The following ZMYM2 variants were observed in gnomAD, a reference collection of about 807,000 sequenced individuals.
ZMYM2 encodes zinc finger MYM-type containing 2.
ZMYM2 carries 56 observed loss-of-function variants against 162.8 expected under a neutral mutation model. The observed-to-expected ratio is 0.34, with a 90% CI of 0.28 to 0.43. The LOEUF is 0.43. Ranked by LOEUF, ZMYM2 falls within the 20% of genes least tolerant of loss-of-function variation. ZMYM2 has a pLI of 1.00. For missense variants in ZMYM2, 1,275 were observed against 1,621.8 expected (o/e 0.79, Z 3.67); for synonymous variants, 510 against 541.6 (o/e 0.94, Z 0.81).
At chr13:20,030,468 G>T (rs556372377) in intron 9 of ZMYM2, among the ~76,000 whole-genome samples, 1 of 148,452 alleles carries the variant, frequency 6.7e-6, no homozygotes, top group Non-Finnish European at 1.5e-5. Context: ...GCGTGATCTC[G>T]GCTCACTGCA....
chr13:20,078,053 A>G (rs528827079), intron 21 of ZMYM2, among the ~76,000 whole-genome samples: 7 of 151,866 alleles, frequency 4.6e-5, no homozygotes, highest in African/African-American at 1.7e-4. Flanking sequence ...TCCTGACCTC[A>G]TGATCCACCC....
At chr13:19,882,845 G>A in the ZMYM2 span, among the ~76,000 whole-genome samples, 2 of 152,152 alleles carry the variant, frequency 1.3e-5, no homozygotes, top group Non-Finnish European at 2.9e-5. Flanking sequence ...TGGAAAACTA[G>A]TGGTTCTTCA....
At chr13:20,024,485 A>G (rs372490147) in intron 7 of ZMYM2, 24 of 219,164 alleles carry the variant, frequency 1.1e-4, no homozygotes, top group East Asian at 1.0e-3. Context: ...GTGCTGATAC[A>G]TGGAGGCCTT....
chr13:20,081,667 AC>A (rs1687408200), intron 21 of ZMYM2, among the ~76,000 whole-genome samples: 1 of 152,168 alleles, frequency 6.6e-6, no homozygotes, highest in Non-Finnish European at 1.5e-5. Context: ...AAAGAAAAAA[AC>A]ACTTTTATTT....
At chr13:19,937,595 T>A in the ZMYM2 span, among the ~76,000 whole-genome samples, 1 of 149,872 alleles carries the variant, frequency 6.7e-6, no homozygotes, top group South Asian at 2.1e-4. Context: ...TTTTTTTTTT[T>A]AGAAATATGG....
the ZMYM2 span, among the ~76,000 whole-genome samples, chr13:19,898,709 T>G: frequency 5.9e-5 from 9 of 152,080 alleles, no homozygotes; most frequent in African/African-American, 2.2e-4. Flanking sequence ...GAGGATTATT[T>G]GAGCCCAGGA....
intron 3 of ZMYM2, among the ~76,000 whole-genome samples, chr13:19,994,672 T>C (rs1430468979): frequency 6.6e-6 from 1 of 151,950 alleles, no homozygotes; most frequent in Non-Finnish European, 1.5e-5. Flanking sequence ...GTATTTTGTA[T>C]GGGGTTTTAT....
intron 4 of ZMYM2, among the ~76,000 whole-genome samples, chr13:20,003,697 A>G (rs1950548918): frequency 6.7e-6 from 1 of 149,714 alleles, no homozygotes; most frequent in Admixed American, 6.7e-5. Context: ...CAATGGTGCG[A>G]TCTCAGCTCA....
chr13:19,956,351 TTGTATGGA>T (rs1354636256), upstream of ZMYM2, among the ~76,000 whole-genome samples: 2 of 152,262 alleles, frequency 1.3e-5, no homozygotes, highest in African/African-American at 4.8e-5. Context: ...TAATATTCCA[TTGTATGGA>T]TGTACCACAT....
At chr13:19,940,071 A>G in the ZMYM2 span, among the ~76,000 whole-genome samples, 1 of 152,228 alleles carries the variant, frequency 6.6e-6, no homozygotes. Flanking sequence ...GGTGTTTATG[A>G]AAACATATCT....
At chr13:20,065,578 A>T (rs1956612279) in intron 19 of ZMYM2, among the ~76,000 whole-genome samples, 1 of 152,100 alleles carries the variant, frequency 6.6e-6, no homozygotes, top group Non-Finnish European at 1.5e-5. Context: ...CTGAGGCGGG[A>T]AGATTGGTGG....
chr13:19,901,571 G>A, the ZMYM2 span, among the ~76,000 whole-genome samples: 2 of 151,224 alleles, frequency 1.3e-5, no homozygotes, highest in East Asian at 1.9e-4. Flanking sequence ...TGCAACCTCC[G>A]CCTCCCAGGT....
At chr13:19,876,630 T>C in the ZMYM2 span, among the ~76,000 whole-genome samples, 37 of 152,170 alleles carry the variant, frequency 2.4e-4, no homozygotes, top group Non-Finnish European at 5.3e-4. Flanking sequence ...GCCTAAAATT[T>C]TTCAAAAAGT....
chr13:20,041,434 C>G (rs1271180129), intron 12 of ZMYM2, among the ~76,000 whole-genome samples: 1 of 152,088 alleles, frequency 6.6e-6, no homozygotes, highest in East Asian at 1.9e-4. Flanking sequence ...TATTTTGAGC[C>G]TATGTGTGTC....
chr13:20,000,620 A>G (rs1378714198), intron 3 of ZMYM2, among the ~76,000 whole-genome samples: 1 of 152,238 alleles, frequency 6.6e-6, no homozygotes, highest in Non-Finnish European at 1.5e-5. Context: ...TGGTTTACTG[A>G]ATAGTTTAAA....
At chr13:19,866,170 C>T in the ZMYM2 span, among the ~76,000 whole-genome samples, 13 of 151,238 alleles carry the variant, frequency 8.6e-5, no homozygotes, top group Non-Finnish European at 1.5e-4. Flanking sequence ...TGCAGTGAGC[C>T]GAGACTGCAT....
At chr13:20,079,567 T>A (rs1957777392) in intron 21 of ZMYM2, among the ~76,000 whole-genome samples, 1 of 152,152 alleles carries the variant, frequency 6.6e-6, no homozygotes, top group South Asian at 2.1e-4. Context: ...ATAGATTAGA[T>A]GTTTGTAAGT....
chr13:19,941,795 G>A, the ZMYM2 span, among the ~76,000 whole-genome samples: 4 of 121,632 alleles, frequency 3.3e-5, no homozygotes, highest in Non-Finnish European at 4.8e-5. Context: ...TGTCAATCAA[G>A]CTGCCATGTG....
the ZMYM2 span, among the ~76,000 whole-genome samples, chr13:19,876,408 C>T: frequency 6.6e-6 from 1 of 151,878 alleles, no homozygotes; most frequent in Non-Finnish European, 1.5e-5. Context: ...CTGCAACCTC[C>T]GCCTCCCAGG....
Sources: gnomAD v4.1 joint callset for allele counts (sites outside exome capture counted in the v4.1 genomes callset) on GRCh38, gnomAD v4.1.1 for gene constraint, MANE v1.5 for transcripts, NCBI Gene and HGNC (gene_info 2026-07-23, HGNC 2026-07-21) for gene names.